MIIP: variants seen among roughly 807,000 people sequenced by gnomAD.
MIIP encodes the protein migration and invasion inhibitory protein.
In MIIP, 44 loss-of-function variants were observed where a neutral mutation model predicts 44.8. That is an observed-to-expected ratio of 0.98 (90% CI 0.77 to 1.26). The LOEUF (loss-of-function observed/expected upper bound fraction) is 1.26, where lower values mean the gene tolerates loss of function less well. MIIP is among the 50% of genes most tolerant of loss of function. The pLI, the probability that MIIP is intolerant of heterozygous loss-of-function variation, is 0.00. For missense variants in MIIP, 496 were observed against 511.7 expected (o/e 0.97, Z 0.30); for synonymous variants, 225 against 218.3 (o/e 1.03, Z -0.27).
intron 8 of MIIP, among the ~76,000 whole-genome samples, chr1:12,030,607 G>A (rs1185044344): frequency 1.6e-5 from 2 of 123,018 alleles, no homozygotes; most frequent in Non-Finnish European, 3.2e-5. Context: ...TTACTGCCCA[G>A]GCTGGAGTGC....
chr1:12,020,686 T>G (rs1639952497), intron 1 of MIIP, among the ~76,000 whole-genome samples: 3 of 152,106 alleles, frequency 2.0e-5, no homozygotes, highest in African/African-American at 7.2e-5. Flanking sequence ...AATTGTTTGT[T>G]GTTGTTGCTG....
At chr1:12,027,126 A>G (rs969238770) in intron 4 of MIIP, among the ~76,000 whole-genome samples, 2 of 150,194 alleles carry the variant, frequency 1.3e-5, no homozygotes, top group African/African-American at 4.9e-5. Context: ...CTCCTGTCTC[A>G]GCCACCTAAG....
In MIIP at chr1:12,022,232, C is replaced by CT. The variant is rs2100895148; in HGVS notation, c.252_253insT (p.Arg85SerfsTer2). 6.2e-7 allele frequency: 1 copy of CT among 1,613,256 alleles called. No individual in the cohort carries two copies. Among genetic ancestry groups the CT allele is most frequent in the Non-Finnish European group, 8.5e-7 (1 of 1,179,638 alleles). ...CACCAGATGCCTGTCGAGGGGACCT[C>CT]CGTGATGTGGCCAGATCGGGGGTGG... On this transcript the variant is annotated frameshift_variant, in exon 3 of 10. Transcript: ENST00000235332. LOFTEE classifies it high-confidence loss of function.
At chr1:12,028,643 G>A in intron 4 of MIIP, 1 of 178,828 alleles carries the variant, frequency 5.6e-6, no homozygotes, top group Non-Finnish European at 1.2e-5. Context: ...CTTGCTTTCT[G>A]GCAGGTATCA....
At chr1:12,029,454 G>A (rs1640177977) in intron 6 of MIIP, 173 bp downstream of exon 6, 5 of 791,430 alleles carry the variant, frequency 6.3e-6, no homozygotes, top group South Asian at 1.8e-5. Context: ...CCTGGTAGGG[G>A]TGGAGTGAGC....
chr1:12,030,685 G>A (rs1253818973), intron 8 of MIIP, among the ~76,000 whole-genome samples: 1 of 150,590 alleles, frequency 6.6e-6, no homozygotes, highest in Admixed American at 6.6e-5. Context: ...TGAGGTGGGA[G>A]GATCGCTTGA....
chr1:12,028,462 G>A (rs1015951197), intron 4 of MIIP, among the ~76,000 whole-genome samples: 7 of 152,026 alleles, frequency 4.6e-5, no homozygotes, highest in African/African-American at 7.3e-5. Flanking sequence ...TTCCTCAGCT[G>A]AACCATGCAC....
intron 1 of MIIP, 72 bp downstream of exon 1, chr1:12,019,624 G>A (rs893460696): frequency 2.0e-5 from 3 of 152,350 alleles, no homozygotes; most frequent in African/African-American, 7.2e-5. Context: ...ATTCCCGCGA[G>A]GGGCTCGGGG....
intron 8 of MIIP, 96 bp from the exon 9 acceptor site, chr1:12,031,170 C>T (rs771987586): frequency 5.5e-6 from 8 of 1,447,332 alleles, no homozygotes; most frequent in South Asian, 1.4e-5. Flanking sequence ...GGGCCTCCTT[C>T]CTAATGGGGG....
chr1:12,026,977 T>G (rs1025610355), intron 4 of MIIP, among the ~76,000 whole-genome samples: 13 of 152,052 alleles, frequency 8.5e-5, no homozygotes, highest in Non-Finnish European at 2.9e-5. Context: ...TGCCTTCAAT[T>G]TCTCTCCACT....
At position 12,031,363 on chromosome 1, in the gene MIIP, A is replaced by G. The variant is rs754656484; in HGVS notation, c.1040A>G (p.Gln347Arg). The G allele has an allele frequency of 6.2e-7, 1 of 1,613,910 alleles. No individual in the cohort carries two copies. Among genetic ancestry groups the G allele is most frequent in the East Asian group, 2.2e-5 (1 of 44,884 alleles). The change falls in exon 9 of 10, where the codon CAG becomes CGG. Residue 347 changes from glutamine to arginine, a missense_variant. Coordinates refer to ENST00000235332, the MANE Select transcript of MIIP (RefSeq NM_021933.4). ...TGGTCCTCTGTCTCCGCTGAGGCCC[A>G]GCACCAGAAGCTGTCCGGCACCAGC... ...DLWSSVSAEA[Q>R]HQKLSGTSSP...
In MIIP at chr1:12,021,834, C is replaced by T. The variant is rs1024344297; in HGVS notation, c.108C>T (p.Ala36=). The change falls in exon 2 of 10, where the codon GCC becomes GCT. Residue 36 remains alanine, a synonymous_variant. Coordinates refer to ENST00000235332, the MANE Select transcript of MIIP (RefSeq NM_021933.4). ...DAVRRSVARA[A]SESSLESSSS... is the part of the protein sequence containing the mutation. ...TGCGGCGGTCAGTGGCCAGGGCAGC[C>T]TCGGAGGTGCGTGCCCGCCTTGGGA... is the stretch of plus-strand genomic sequence containing the variant. 1 of 1,605,446 alleles carries T rather than the reference C, an allele frequency of 6.2e-7. No individual in the cohort carries two copies. Among genetic ancestry groups the T allele is most frequent in the Non-Finnish European group, 8.5e-7 (1 of 1,176,798 alleles).
Position 12,029,078 on chromosome 1 carries a change from T to C in MIIP, c.593T>C (p.Phe198Ser), listed in dbSNP as rs368317216. ...SSSITSQPEA[F>S]FSKLQEFRET... ...TCCATCACCAGCCAGCCTGAGGCCT[T>C]CTTCTCCAAGCTGCAGGAGTTTCGG... Residue 198 changes from phenylalanine (F) to serine (S), a missense_variant, in exon 5 of 10, where the codon TTC becomes TCC. Transcript: ENST00000235332. 1.6e-5 allele frequency: 26 copies of C among 1,613,654 alleles called. No individual in the cohort carries two copies. Among genetic ancestry groups the C allele is most frequent in the African/African-American group, 5.3e-5 (4 of 74,938 alleles).
chr1:12,027,604 ACTC>A (rs1398246656), intron 4 of MIIP, among the ~76,000 whole-genome samples: 1 of 150,588 alleles, frequency 6.6e-6, no homozygotes, highest in Non-Finnish European at 1.5e-5. Flanking sequence ...CGGTCTTCTG[ACTC>A]CTCCTCTCTA....
intron 3 of MIIP, 83 bp from the exon 4 acceptor site, chr1:12,022,750 A>T (rs1317254026): frequency 9.2e-7 from 1 of 1,082,710 alleles, no homozygotes; most frequent in Admixed American, 2.1e-5. Flanking sequence ...GTTAAGACAC[A>T]GTCTCTCTGT....
In MIIP at chr1:12,029,130, C is replaced by T; in HGVS notation, c.645C>T (p.Cys215=). The part of the protein sequence containing the change: ...FRETNKEECI[C]SHPEPQLPGL... The stretch of plus-strand genomic sequence containing the variant: ...AAACCAACAAGGAGGAGTGTATCTG[C>T]AGCCATCCTGAGTGAGCAGGGGCGG... The change falls in exon 5 of 10, where the codon TGC becomes TGT. Residue 215 remains cysteine (C), a synonymous_variant. Coordinates refer to ENST00000235332, the MANE Select transcript of MIIP (RefSeq NM_021933.4). The T allele has an allele frequency of 1.9e-6, 3 of 1,613,952 alleles. No individual in the cohort carries two copies. Among genetic ancestry groups the T allele is most frequent in the Non-Finnish European group, 2.5e-6 (3 of 1,179,822 alleles).
chr1:12,021,263 A>G (rs918885325), intron 1 of MIIP, among the ~76,000 whole-genome samples: 28 of 151,832 alleles, frequency 1.8e-4, no homozygotes, highest in Non-Finnish European at 2.9e-4. Flanking sequence ...GCGTGGTGGC[A>G]GGCGCCTGTA....
intron 3 of MIIP, 80 bp from the exon 4 acceptor site, chr1:12,022,753 C>T: frequency 9.1e-7 from 1 of 1,103,454 alleles, no homozygotes; most frequent in Non-Finnish European, 1.3e-6. Context: ...AAGACACAGT[C>T]TCTCTGTCCC....
chr1:12,024,229 T>A (rs920942904), intron 4 of MIIP: 1 of 152,214 alleles, frequency 6.6e-6, no homozygotes, highest in Non-Finnish European at 1.5e-5. Flanking sequence ...TTTGAACATT[T>A]GTTATGTGCC....
Sources: gnomAD v4.1 joint callset for allele counts (sites outside exome capture counted in the v4.1 genomes callset) on GRCh38, gnomAD v4.1.1 for gene constraint, MANE v1.5 for transcripts, NCBI Gene and HGNC (gene_info 2026-07-23, HGNC 2026-07-21) for gene names.